The following SLC5A4 variants were observed in gnomAD, a reference collection of about 807,000 sequenced individuals.
SLC5A4 encodes solute carrier family 5 member 4, also known as probable glucose sensor protein SLC5A4.
A neutral mutation model predicts 70.3 loss-of-function variants in SLC5A4; 55 were observed. That is an observed-to-expected ratio of 0.78 (90% CI 0.63 to 0.98). The LOEUF (loss-of-function observed/expected upper bound fraction) is 0.98, where lower values mean the gene tolerates loss of function less well. SLC5A4 is among the 50% of genes least tolerant of loss of function. The probability of loss-of-function intolerance (pLI) is 0.00; values close to 1 mark genes in which losing one functional copy is unlikely to be tolerated. For synonymous variants in SLC5A4, 268 were observed against 305.7 expected, an observed-to-expected ratio of 0.88 and a Z score of 1.29; for missense variants, 735 against 839.2, an observed-to-expected ratio of 0.88 and a Z score of 1.53.
chr22:32,221,130 T>C (rs763911650), intron 13 of SLC5A4, 108 bp from the exon 14 acceptor site: 6 of 702,422 alleles, frequency 8.5e-6, no homozygotes, highest in Non-Finnish European at 1.2e-5. Flanking sequence ...AATCAAACCA[T>C]ACAGGAGAAT....
At chr22:32,268,967 C>CT in the SLC5A4 span, among the ~76,000 whole-genome samples, 2 of 151,308 alleles carry the variant, frequency 1.3e-5, no homozygotes, top group Non-Finnish European at 3.0e-5. Flanking sequence ...GTGATCTCGG[C>CT]TTACTGCACG....
At chr22:32,325,463 T>C in the SLC5A4 span, among the ~76,000 whole-genome samples, 1 of 152,160 alleles carries the variant, frequency 6.6e-6, no homozygotes, top group Non-Finnish European at 1.5e-5. Context: ...TGGAACAGCC[T>C]CAGCCAAGGC....
chr22:32,322,764 T>C, the SLC5A4 span, among the ~76,000 whole-genome samples: 1 of 152,124 alleles, frequency 6.6e-6, no homozygotes, highest in Non-Finnish European at 1.5e-5. Flanking sequence ...GACAGGCAGA[T>C]ATTCTCACAT....
At chr22:32,227,720 G>A (rs1273694509) in intron 11 of SLC5A4, among the ~76,000 whole-genome samples, 2 of 151,984 alleles carry the variant, frequency 1.3e-5, no homozygotes, top group African/African-American at 2.4e-5. Context: ...GGCGGATCAC[G>A]AGGTCAAGAG....
At chr22:32,353,515 G>A in the SLC5A4 span, among the ~76,000 whole-genome samples, 1 of 151,002 alleles carries the variant, frequency 6.6e-6, no homozygotes, top group Non-Finnish European at 1.5e-5. Flanking sequence ...TCTAGAGTCT[G>A]GAGTCCGGGG....
chr22:32,288,539 CT>C, the SLC5A4 span, among the ~76,000 whole-genome samples: 2 of 152,050 alleles, frequency 1.3e-5, no homozygotes, highest in Non-Finnish European at 2.9e-5. Flanking sequence ...TTCTCTGTCT[CT>C]TTTGTTTTTT....
chr22:32,307,396 CATTTT>C, the SLC5A4 span, among the ~76,000 whole-genome samples: 1 of 152,108 alleles, frequency 6.6e-6, no homozygotes, highest in African/African-American at 2.4e-5. Context: ...CTTCTGAATT[CATTTT>C]GTGAATCTGA....
chr22:32,337,063 A>G, the SLC5A4 span, among the ~76,000 whole-genome samples: 1 of 152,222 alleles, frequency 6.6e-6, no homozygotes, highest in Non-Finnish European at 1.5e-5. Flanking sequence ...AAAGACCCAG[A>G]TGTGTGGCAC....
chr22:32,325,946 T>A, the SLC5A4 span, among the ~76,000 whole-genome samples: 7 of 152,028 alleles, frequency 4.6e-5, no homozygotes, highest in African/African-American at 1.7e-4. Context: ...CTGGCCCTAG[T>A]GAGAGAGGAG....
the SLC5A4 span, chr22:32,355,031 T>C: frequency 5.3e-5 from 8 of 151,980 alleles, no homozygotes; most frequent in Non-Finnish European, 1.0e-4. Flanking sequence ...ACTAACCAGC[T>C]ACACAAGCTG....
intron 10 of SLC5A4, among the ~76,000 whole-genome samples, 191 bp downstream of exon 10, chr22:32,230,777 A>C (rs868800614): frequency 6.6e-6 from 1 of 152,254 alleles, no homozygotes; most frequent in Middle Eastern, 3.2e-3. Flanking sequence ...TTCTTCTAAC[A>C]GTAATTGTAC....
chr22:32,334,488 G>A, the SLC5A4 span, among the ~76,000 whole-genome samples: 7 of 152,200 alleles, frequency 4.6e-5, no homozygotes, highest in Non-Finnish European at 8.8e-5. Context: ...CTGGGGCACA[G>A]TGATGGCCTC....
chr22:32,226,995 C>A (rs1323163297), intron 11 of SLC5A4, among the ~76,000 whole-genome samples: 1 of 152,126 alleles, frequency 6.6e-6, no homozygotes, highest in Non-Finnish European at 1.5e-5. Context: ...CAGATGCCAC[C>A]TCCTCAGAGA....
chr22:32,233,905 A>G lies in SLC5A4; in HGVS notation c.886-871T>C, dbSNP rs574524854. Among the ~76,000 whole-genome samples the G allele has an allele frequency of 9.9e-5, 15 of 152,164 alleles. No homozygotes were observed. In the South Asian group the frequency reaches 1.0e-3, roughly 11 times the overall value. ...GGAAAAGTCAGGCAGTATACATCAC[A>G]TGGTTCAGCTGTGAATTACATTCAG... is the stretch of plus-strand genomic sequence containing the variant. On this transcript the variant is annotated intron_variant, in intron 8 of 14. Coordinates refer to ENST00000266086, the MANE Select transcript of SLC5A4 (RefSeq NM_014227.3).
chr22:32,286,771 T>C, the SLC5A4 span, among the ~76,000 whole-genome samples: 1 of 152,204 alleles, frequency 6.6e-6, no homozygotes, highest in East Asian at 1.9e-4. Flanking sequence ...GTTGTCTTCA[T>C]TCAACAAAGC....
At chr22:32,315,492 T>G in the SLC5A4 span, among the ~76,000 whole-genome samples, 1 of 152,154 alleles carries the variant, frequency 6.6e-6, no homozygotes, top group Admixed American at 6.5e-5. Flanking sequence ...AGTAGAAATA[T>G]TCTAATTTTG....
chr22:32,339,659 A>G, the SLC5A4 span, among the ~76,000 whole-genome samples: 16 of 152,190 alleles, frequency 1.1e-4, no homozygotes, highest in Admixed American at 9.8e-4. Flanking sequence ...CCGCCTCTGG[A>G]AAGATTCAAG....
chr22:32,255,138 A>C, intron 1 of SLC5A4, 57 bp downstream of exon 1: 22 of 1,012,250 alleles, frequency 2.2e-5, no homozygotes, highest in Non-Finnish European at 3.3e-5. Flanking sequence ...TTCCCCCCTT[A>C]AGATACCCCC....
At chr22:32,339,518 C>T in the SLC5A4 span, among the ~76,000 whole-genome samples, 1 of 152,114 alleles carries the variant, frequency 6.6e-6, no homozygotes, top group Admixed American at 6.5e-5. Flanking sequence ...AGGAGGTGTT[C>T]GACGTAAACT....
Sources: allele counts gnomAD v4.1 joint callset (sites outside exome capture counted in the v4.1 genomes callset), GRCh38; gene constraint gnomAD v4.1.1; transcripts MANE v1.5; gene names NCBI Gene and HGNC (gene_info 2026-07-23, HGNC 2026-07-21).